The following CUL9 variants were observed in gnomAD, a reference collection of about 807,000 sequenced individuals.
The protein encoded by CUL9 is cullin 9.
Under a neutral mutation model 272.6 loss-of-function variants are expected in CUL9, and 79 were observed. The ratio of observed to expected loss-of-function variants is 0.29; its 90% CI spans 0.24 to 0.35. The LOEUF is 0.35. Ranked by LOEUF, CUL9 falls within the 10% of genes least tolerant of loss-of-function variation. CUL9 has a pLI of 1.00. For missense variants in CUL9, 2,532 were observed against 3,255.6 expected, an observed-to-expected ratio of 0.78 and a Z score of 5.41; for synonymous variants, 1,186 against 1,286.5, an observed-to-expected ratio of 0.92 and a Z score of 1.67.
At position 43,220,407 on chromosome 6, in the gene CUL9, CT is replaced by C; in HGVS notation, c.6283-51del. 1 of 1,604,574 alleles carries C rather than the reference CT, an allele frequency of 6.2e-7. No individual in the cohort carries two copies. On this transcript the variant is annotated intron_variant, in intron 31 of 40. Coordinates refer to ENST00000252050, the MANE Select transcript of CUL9 (RefSeq NM_015089.4). This position sits in a 1 kb window ranked among gnomAD's most constrained non-coding sequence, Gnocchi z 4.9. ...TAGCTTAGTTACCAGGACACTCCCC[CT>C]GTGCTGCTCCCACACTGTCTGTGAG... is the stretch of plus-strand genomic sequence containing the variant.
chr6:43,185,400 G>T lies in CUL9; in HGVS notation c.596-56G>T, dbSNP rs1282638649. The T allele has an allele frequency of 3.2e-6, 5 of 1,572,094 alleles. No individual in the cohort carries two copies. The South Asian group carries it at 4.5e-5, about 14-fold the overall frequency. ...GGGTAGGAGATAGAATCTAGGAAAG[G>T]CAGGGAGAAAGTACTGGGGATTGAG... On this transcript the variant is annotated intron_variant, in intron 2 of 40. Coordinates refer to ENST00000252050, the MANE Select transcript of CUL9 (RefSeq NM_015089.4).
chr6:43,191,318 T>C (rs2150536926), intron 8 of CUL9, among the ~76,000 whole-genome samples: 1 of 149,900 alleles, frequency 6.7e-6, no homozygotes, highest in South Asian at 2.1e-4. Flanking sequence ...TTTGTTTGTT[T>C]TTTTGTTTTT....
chr6:43,182,486 GA>G (rs1466665005), intron 1 of CUL9, among the ~76,000 whole-genome samples: 3 of 146,680 alleles, frequency 2.0e-5, no homozygotes, highest in Non-Finnish European at 4.4e-5. Flanking sequence ...GCTTGGGCTT[GA>G]CCTTGCTATC....
rs1455550333 is a variant in CUL9, at chr6:43,184,151, C to T, written c.-9-151C>T. ...AAGTATGTTCAGCTATTTATTCCAT[C>T]CTATTTTTTGCCTTTTCTGTTTGGC... is the stretch of plus-strand genomic sequence containing the variant. On this transcript the variant is annotated intron_variant, in intron 1 of 40. Transcript: ENST00000252050. The surrounding 1 kb of genome is among the most constrained non-coding windows in gnomAD (Gnocchi z 4.8). Among the ~76,000 whole-genome samples, 3 of 152,090 alleles carry T rather than the reference C, an allele frequency of 2.0e-5. No homozygotes were observed. Among genetic ancestry groups the T allele is most frequent in the Admixed American group, 6.5e-5 (1 of 15,270 alleles).
In CUL9 at chr6:43,224,316, G is replaced by C. The variant is rs1321285263; in HGVS notation, c.7425G>C (p.Glu2475Asp). The change falls in exon 41 of 41, where the codon GAG (glutamate) becomes GAC (aspartate). Residue 2475 changes from glutamate (E) to aspartate (D), a missense_variant. Around this residue, in one of 3 missense-constraint regions of CUL9, gnomAD observed 237 missense variants for 305.9 expected, o/e 0.77. Transcript: ENST00000252050. The surrounding 1 kb of genome is among the most constrained non-coding windows in gnomAD (Gnocchi z 4.2). ...EEEDDEDDVP[E>D]WQQDEFDEEL... is the part of the protein sequence containing the mutation. ...AAGACGATGAGGATGATGTGCCCGAGTGGCAGCAGGATGAGTTTGATGAGG... is the reference window on the plus strand; with the variant it reads ...AAGACGATGAGGATGATGTGCCCGACTGGCAGCAGGATGAGTTTGATGAGG... The C allele has an allele frequency of 1.2e-6, 2 of 1,614,134 alleles. No homozygotes were observed. Among genetic ancestry groups the C allele is most frequent in the East Asian group, 2.2e-5 (1 of 44,890 alleles).
chr6:43,221,377 G>C lies in CUL9; in HGVS notation c.6752+56G>C. ...GGGCAAGGAGGGGGGAGGAGGCCTG[G>C]CAGAAGGAGGGGGGAACGGGCTTAG... On this transcript the variant is annotated intron_variant, in intron 34 of 40. Coordinates refer to ENST00000252050, the MANE Select transcript of CUL9 (RefSeq NM_015089.4). This position sits in a 1 kb window ranked among gnomAD's most constrained non-coding sequence, Gnocchi z 4.2. 1 of 1,089,598 alleles carries C rather than the reference G, an allele frequency of 9.2e-7. No homozygotes were observed. Among genetic ancestry groups the C allele is most frequent in the Non-Finnish European group, 1.3e-6 (1 of 752,176 alleles). 67.5% of individuals were successfully genotyped at this position (1,089,598 alleles called of 1,614,324 possible).
rs1309790378 is a variant in CUL9 at position 43,220,499 on chromosome 6, AC to A, written c.6325del (p.Val2110PhefsTer2). On this transcript the variant is annotated frameshift_variant, in exon 32 of 41. Transcript: ENST00000252050. LOFTEE classifies it high-confidence loss of function. The surrounding 1 kb of genome is among the most constrained non-coding windows in gnomAD (Gnocchi z 4.9). ...NEYLTTRIEQNLVLNCTCPIA... is the reference protein window; with the variant it reads ...NEYLTTRIEQXLVLNCTCPIA... The stretch of plus-strand genomic sequence containing the variant: ...TACCTGACAACTCGGATCGAGCAGA[AC>A]CTTGTTTTGAATTGCACCTGCCCCA... 3 of 1,613,960 alleles carry A rather than the reference AC, an allele frequency of 1.9e-6. No individual in the cohort carries two copies. Among genetic ancestry groups the A allele is most frequent in the Non-Finnish European group, 2.5e-6 (3 of 1,179,996 alleles).
chr6:43,204,173 A>G, intron 20 of CUL9, 186 bp downstream of exon 20: 1 of 1,036,120 alleles, frequency 9.7e-7, no homozygotes, highest in Non-Finnish European at 1.4e-6. Context: ...AATCTTTCCC[A>G]CTACCCCATC....
In CUL9 at chr6:43,221,362, G is replaced by A. The variant is rs140078520; in HGVS notation, c.6752+41G>A. Reference sequence around the variant, plus strand: ...CTGTGGGGAGCCAGAGGGCAAGGAGGGGGGAGGAGGCCTGGCAGAAGGAGG... The same window carrying A: ...CTGTGGGGAGCCAGAGGGCAAGGAGAGGGGAGGAGGCCTGGCAGAAGGAGG... On this transcript the variant is annotated intron_variant, in intron 34 of 40. Coordinates refer to ENST00000252050, the MANE Select transcript of CUL9 (RefSeq NM_015089.4). The surrounding 1 kb of genome is among the most constrained non-coding windows in gnomAD (Gnocchi z 4.2). 4.0e-5 allele frequency: 62 copies of A among 1,550,754 alleles called. No homozygotes were observed. The highest frequency in any genetic ancestry group is 6.8e-5 in the South Asian group (6 of 88,808).
Position 43,223,932 on chromosome 6 carries a change from C to CTT in CUL9, c.7285-162_7285-161insTT. ...GGTACCCCGTATCCCTGGAGACCAT[C>CTT]TGTGGGTGAACTCACAAAGGCAGTG... On this transcript the variant is annotated intron_variant, in intron 39 of 40. Coordinates refer to ENST00000252050, the MANE Select transcript of CUL9 (RefSeq NM_015089.4). This position sits in a 1 kb window ranked among gnomAD's most constrained non-coding sequence, Gnocchi z 4.1. 1 of 704,826 alleles carries CTT rather than the reference C, an allele frequency of 1.4e-6. No individual in the cohort carries two copies. Among genetic ancestry groups the CTT allele is most frequent in the Non-Finnish European group, 2.5e-6 (1 of 394,108 alleles). The allele number at this position is 704,826 out of a possible 1,614,324, so 43.7% of individuals were successfully genotyped here.
rs1270591436 is a variant in CUL9, at chr6:43,224,373, G to A, written c.7482G>A (p.Glu2494=). 10 of 1,614,104 alleles carry A rather than the reference G, an allele frequency of 6.2e-6. No homozygotes were observed. The highest frequency in any genetic ancestry group is 2.7e-5 in the African/African-American group (2 of 74,940). ...ELDNDSFSYD[E]SENLDQETFF... ...ACAATGACAGCTTCTCCTACGATGA[G>A]TCTGAGAACCTGGACCAAGAGACTT... Residue 2494 remains glutamate, a synonymous_variant, in exon 41 of 41, where the codon GAG becomes GAA. Coordinates refer to ENST00000252050, the MANE Select transcript of CUL9 (RefSeq NM_015089.4). The surrounding 1 kb of genome is among the most constrained non-coding windows in gnomAD (Gnocchi z 4.2).
rs775345810 is a variant in CUL9, at chr6:43,186,328, A to C, written c.1124A>C (p.Tyr375Ser). The change falls in exon 4 of 41, where the codon TAT becomes TCT. Residue 375 changes from tyrosine (Y) to serine (S), a missense_variant. Physicochemically the swap from Tyr to Ser is moderately radical, Grantham distance 144 (BLOSUM62 -2). Around this residue, in one of 3 missense-constraint regions of CUL9, gnomAD observed 2,218 missense variants for 2,788.6 expected, o/e 0.80. Transcript: ENST00000252050. ...TCTGAATTCTCCAGCCGTAGTGGCT[A>C]TGGAGAATATGTGCAGCAGACACTG... ...QRSEFSSRSG[Y>S]GEYVQQTLQP... The C allele has an allele frequency of 6.2e-7, 1 of 1,614,222 alleles. No homozygotes were observed. The highest frequency in any genetic ancestry group is 8.5e-7 in the Non-Finnish European group (1 of 1,180,044).
rs774188388 is a variant in CUL9 at position 43,188,079 on chromosome 6, G to T, written c.1948G>T (p.Gly650Trp). Residue 650 changes from glycine (G) to tryptophan (W), a missense_variant, in exon 7 of 41, where the codon GGG becomes TGG. Physicochemically the swap from Gly to Trp is radical, Grantham distance 184. Transcript: ENST00000252050. Reference protein sequence around the residue: ...QLFNQLLVTEGMTLPTEMKEA... With the variant: ...QLFNQLLVTEWMTLPTEMKEA... ...GTTTAACCAGCTTCTGGTGACTGAG[G>T]GGATGACCCTGCCCACTGAGATGAA... 1 of 1,613,770 alleles carries T rather than the reference G, an allele frequency of 6.2e-7. No homozygotes were observed. Among genetic ancestry groups the T allele is most frequent in the Admixed American group, 1.7e-5 (1 of 59,988 alleles).
At chr6:43,188,934 T>C in intron 8 of CUL9, 1 of 446,222 alleles carries the variant, frequency 2.2e-6, no homozygotes, top group Non-Finnish European at 4.0e-6. Flanking sequence ...ACATGCATTC[T>C]CTCATTAAAT....
chr6:43,192,951 C>G, intron 8 of CUL9, 50 bp from the exon 9 acceptor site: 1 of 1,556,600 alleles, frequency 6.4e-7, no homozygotes, highest in Non-Finnish European at 8.9e-7. Flanking sequence ...GCTGGGAGGT[C>G]AGGCAAGACT....
chr6:43,193,502 G>A (rs2150547806), intron 9 of CUL9, among the ~76,000 whole-genome samples: 1 of 152,288 alleles, frequency 6.6e-6, no homozygotes, highest in African/African-American at 2.4e-5. Context: ...CCAAAGTGCT[G>A]AGATTACAGG....
chr6:43,198,815 G>C lies in CUL9; in HGVS notation c.3010G>C (p.Ala1004Pro). Residue 1004 changes from alanine (A) to proline (P), a missense_variant, in exon 12 of 41, where the codon GCT (alanine) becomes CCT (proline). Ala to Pro is a conservative substitution (Grantham distance 27). Coordinates refer to ENST00000252050, the MANE Select transcript of CUL9 (RefSeq NM_015089.4). Reference protein sequence around the residue: ...PFLLLLRTLDAPGPNKTLLLS... With the variant: ...PFLLLLRTLDPPGPNKTLLLS... The stretch of plus-strand genomic sequence containing the variant: ...CCTCCTGTTGCTGCGGACTCTGGAT[G>C]CTCCGGGGCCCAACAAGACTCTGCT... 1.2e-6 allele frequency: 2 copies of C among 1,613,780 alleles called. No individual in the cohort carries two copies. Among genetic ancestry groups the C allele is most frequent in the Non-Finnish European group, 8.5e-7 (1 of 1,180,044 alleles).
In CUL9 at chr6:43,222,607, A is replaced by G. The variant is rs1003247082; in HGVS notation, c.6998A>G (p.Asn2333Ser). The change falls in exon 37 of 41, where the codon AAT becomes AGT. Residue 2333 changes from asparagine to serine, a missense_variant. Transcript: ENST00000252050. ...VPPPRSFTFL[N>S]DACQGLEQAR... ...CCGCCCAGATCCTTCACCTTCCTCA[A>G]TGATGCCTGCCAGGGACTGGAGCAG... 39 of 1,612,940 alleles carry G rather than the reference A, an allele frequency of 2.4e-5. No homozygotes were observed. Among genetic ancestry groups the G allele is most frequent in the Admixed American group, 5.0e-5 (3 of 60,000 alleles).
Position 43,186,341 on chromosome 6 carries a change from G to T in CUL9, c.1137G>T (p.Val379=). 6.2e-7 allele frequency: 1 copy of T among 1,614,244 alleles called. No individual in the cohort carries two copies. Among genetic ancestry groups the T allele is most frequent in the Non-Finnish European group, 8.5e-7 (1 of 1,180,028 alleles). Residue 379 remains valine (V), a synonymous_variant, in exon 4 of 41, where the codon GTG becomes GTT. Transcript: ENST00000252050. ...FSSRSGYGEY[V]QQTLQPGMRV... Reference sequence around the variant, plus strand: ...GCCGTAGTGGCTATGGAGAATATGTGCAGCAGACACTGCAGCCAGGGATGC... The same window carrying T: ...GCCGTAGTGGCTATGGAGAATATGTTCAGCAGACACTGCAGCCAGGGATGC...
Sources: gnomAD v4.1 joint callset for allele counts (sites outside exome capture counted in the v4.1 genomes callset) on GRCh38, gnomAD v4.1.1 for gene constraint, gnomAD v4.1.1 regional missense constraint, Gnocchi (gnomAD v3.1) non-coding constraint, MANE v1.5 for transcripts, NCBI Gene and HGNC (gene_info 2026-07-23, HGNC 2026-07-21) for gene names.